DVL1: variants seen among roughly 807,000 people sequenced by gnomAD.
The protein encoded by DVL1 is dishevelled segment polarity protein 1, also known as segment polarity protein dishevelled homolog DVL-1.
A neutral mutation model predicts 65.0 loss-of-function variants in DVL1; 49 were observed. The observed-to-expected ratio is 0.75, with a 90% CI of 0.60 to 0.96. The LOEUF (loss-of-function observed/expected upper bound fraction) is 0.96. DVL1 is among the 40% of genes least tolerant of loss of function. The pLI is 0.00. For synonymous variants in DVL1, 608 were observed against 433.9 expected (o/e 1.40, Z -4.99); for missense variants, 1,197 against 1,045.4 (o/e 1.15, Z -2.00).
intron 1 of DVL1, 66 bp from the exon 2 acceptor site, chr1:1,342,824 C>G: frequency 6.6e-7 from 1 of 1,525,180 alleles, no homozygotes; most frequent in Non-Finnish European, 9.0e-7. Flanking sequence ...AGAGGTGAGG[C>G]CTGGAGAGCA....
rs549271397 is a variant in DVL1 at position 1,340,867 on chromosome 1, G to A, written c.606-364C>T. On this transcript the variant is annotated intron_variant, in intron 5 of 14. Coordinates refer to ENST00000378888, the MANE Select transcript of DVL1 (RefSeq NM_001330311.2). ...CAACCCTGCACACATGCACCCCTGCGCACAGGCACACATGCACACCCCTGC... is the reference window on the plus strand; with the variant it reads ...CAACCCTGCACACATGCACCCCTGCACACAGGCACACATGCACACCCCTGC... 2.9e-3 allele frequency among the ~76,000 whole-genome samples: 354 copies of A among 120,924 alleles called. 1 individual carries two copies. The highest frequency in any genetic ancestry group is 0.016 in the Middle Eastern group (2 of 122). 79.3% of individuals were successfully genotyped at this position (120,924 alleles called of 152,430 possible). A position where few individuals can be genotyped will look rare whatever the true frequency, so the allele number is the denominator to read the frequency against.
intron 5 of DVL1, among the ~76,000 whole-genome samples, chr1:1,341,108 T>G (rs1171936984): frequency 1.6e-5 from 2 of 125,604 alleles, no homozygotes; most frequent in South Asian, 2.7e-4. Context: ...TGCACACACC[T>G]GCACACGCAC....
chr1:1,340,047 C>T lies in DVL1; in HGVS notation c.900G>A (p.Met300Ile), dbSNP rs1306864623. The change falls in exon 8 of 15, where the codon ATG becomes ATA. Residue 300 changes from methionine to isoleucine, a missense_variant. Transcript: ENST00000378888. ...AADGRIEPGD[M>I]LLQVNDVNFE... ...GCCCCCACAGACACACCTGCAGCAA[C>T]ATGTCGCCGGGCTCGATGCGGCCGT... The T allele has an allele frequency of 1.9e-6, 3 of 1,612,404 alleles. No individual in the cohort carries two copies. The highest frequency in any genetic ancestry group is 2.5e-6 in the Non-Finnish European group (3 of 1,179,624).
At chr1:1,348,426 G>C (rs145733533) in intron 1 of DVL1, among the ~76,000 whole-genome samples, 3 of 152,116 alleles carry the variant, frequency 2.0e-5, no homozygotes, top group East Asian at 3.9e-4. Context: ...CTGCAGAAGG[G>C]GGCCAGGAGA....
At chr1:1,347,036 G>A (rs1643925275) in intron 1 of DVL1, among the ~76,000 whole-genome samples, 1 of 152,130 alleles carries the variant, frequency 6.6e-6, no homozygotes, top group Non-Finnish European at 1.5e-5. Flanking sequence ...ATTGATGAGG[G>A]TCCTCCGTAG....
chr1:1,338,340 A>C lies in DVL1; in HGVS notation c.1436T>G (p.Phe479Cys). 6.2e-7 allele frequency: 1 copy of C among 1,611,670 alleles called. No homozygotes were observed. Among genetic ancestry groups the C allele is most frequent in the Non-Finnish European group, 8.5e-7 (1 of 1,179,710 alleles). The change falls in exon 13 of 15, where the codon TTC (phenylalanine) becomes TGC (cysteine). Residue 479 changes from phenylalanine (F) to cysteine (C), a missense_variant. Coordinates refer to ENST00000378888, the MANE Select transcript of DVL1 (RefSeq NM_001330311.2). ...GATCTTGTTGACCGTGTGCCGCAGG[A>C]AGCCGTGCTTCAGCAAGCTGCTGGC... ...KYASSLLKHG[F>C]LRHTVNKITF...
chr1:1,340,887 C>T (rs1461042665), intron 5 of DVL1, among the ~76,000 whole-genome samples: 2 of 140,960 alleles, frequency 1.4e-5, no homozygotes, highest in African/African-American at 5.4e-5. Context: ...ACATGCACAC[C>T]CCTGCACACG....
At position 1,338,057 on chromosome 1, in the gene DVL1, G is replaced by T. The variant is rs372765398; in HGVS notation, c.1634C>A (p.Pro545His). ...GTAGGCAGGCGGGAAGCAGGGTGGG[G>T]GTCCCGGGTACTGGTAGGGGTAGCC... ...GQGYPYQYPG[P>H]PPCFPPAYQD... is the part of the protein sequence containing the mutation. Residue 545 changes from proline to histidine, a missense_variant, in exon 14 of 15, where the codon CCC (proline) becomes CAC (histidine). Physicochemically the swap from Pro to His is moderately conservative, Grantham distance 77 (BLOSUM62 -2). Transcript: ENST00000378888. 8 of 1,611,276 alleles carry T rather than the reference G, an allele frequency of 5.0e-6. No individual in the cohort carries two copies. Among genetic ancestry groups the T allele is most frequent in the African/African-American group, 1.3e-5 (1 of 74,878 alleles).
At position 1,342,388 on chromosome 1, in the gene DVL1, C is replaced by T. The variant is rs745909987; in HGVS notation, c.337G>A (p.Gly113Arg). ...TGGAAGGAGGGGGGCCGGGAGTCCC[C>T]GATGCCGCCTGTCCGCTCAAGAGGC... ...PPPLERTGGI[G>R]DSRPPSFHPN... The change falls in exon 3 of 15, where the codon GGG (glycine) becomes AGG (arginine). Residue 113 changes from glycine (G) to arginine (R), a missense_variant. Coordinates refer to ENST00000378888, the MANE Select transcript of DVL1 (RefSeq NM_001330311.2). 1.2e-5 allele frequency: 19 copies of T among 1,587,198 alleles called. No individual in the cohort carries two copies. The highest frequency in any genetic ancestry group is 4.6e-5 in the East Asian group (2 of 43,530).
At position 1,346,755 on chromosome 1, in the gene DVL1, A is replaced by C. The variant is rs532721865; in HGVS notation, c.170+2141T>G. Reference sequence around the variant, plus strand: ...CTGAGAATGCAGCGGGGGCTGGCGCAGGAACCCCCGACTCACCAGGGCCTC... The same window carrying C: ...CTGAGAATGCAGCGGGGGCTGGCGCCGGAACCCCCGACTCACCAGGGCCTC... On this transcript the variant is annotated intron_variant, in intron 1 of 14. Coordinates refer to ENST00000378888, the MANE Select transcript of DVL1 (RefSeq NM_001330311.2). Among the ~76,000 whole-genome samples the C allele has an allele frequency of 1.3e-3, 202 of 152,322 alleles. 4 individuals carry two copies. The highest frequency in any genetic ancestry group is 2.0e-3 in the Non-Finnish European group (137 of 68,004).
At chr1:1,345,252 T>C (rs1362576968) in intron 1 of DVL1, among the ~76,000 whole-genome samples, 1 of 152,100 alleles carries the variant, frequency 6.6e-6, no homozygotes, top group East Asian at 1.9e-4. Flanking sequence ...CTCCGCCCTC[T>C]TCAGCCCAAC....
chr1:1,336,007 C>A lies in DVL1; in HGVS notation c.*135G>T. 3 of 1,217,760 alleles carry A rather than the reference C, an allele frequency of 2.5e-6. No homozygotes were observed. Among genetic ancestry groups the A allele is most frequent in the Non-Finnish European group, 3.4e-6 (3 of 887,184 alleles). 75.4% of individuals were successfully genotyped at this position (1,217,760 alleles called of 1,614,324 possible). ...AGCTGGAGCAGCCAGGCTGCCAGGGCAGATGGTGGTGGTCCAGCCTGCCCC... is the reference window on the plus strand; with the variant it reads ...AGCTGGAGCAGCCAGGCTGCCAGGGAAGATGGTGGTGGTCCAGCCTGCCCC... On this transcript the variant is annotated 3_prime_UTR_variant, in exon 15 of 15. Coordinates refer to ENST00000378888, the MANE Select transcript of DVL1 (RefSeq NM_001330311.2).
chr1:1,342,740 G>C lies in DVL1; in HGVS notation c.189C>G (p.Ile63Met), dbSNP rs747684599. ...DQDFGVVKEE[I>M]FDDNAKLPCF... The stretch of plus-strand genomic sequence containing the variant: ...AGGGAAGCTTGGCATTGTCATCAAA[G>C]ATCTCCTCCTTCACCACCCTGTGGG... The change falls in exon 2 of 15, where the codon ATC becomes ATG. Residue 63 changes from isoleucine to methionine, a missense_variant. Transcript: ENST00000378888. 6.2e-7 allele frequency: 1 copy of C among 1,613,054 alleles called. No individual in the cohort carries two copies. The highest frequency in any genetic ancestry group is 8.5e-7 in the Non-Finnish European group (1 of 1,179,784).
intron 11 of DVL1, 139 bp downstream of exon 11, chr1:1,339,148 G>C: frequency 8.4e-7 from 1 of 1,191,522 alleles, no homozygotes. Flanking sequence ...CTGTGCACAC[G>C]TCTGTGCAGG....
chr1:1,341,634 C>G, intron 5 of DVL1, 33 bp downstream of exon 5: 1 of 1,570,848 alleles, frequency 6.4e-7, no homozygotes, highest in East Asian at 2.3e-5. Context: ...AGTGGGCACA[C>G]AGGCATACAC....
Position 1,340,267 on chromosome 1 carries a change from A to G in DVL1, c.749T>C (p.Val250Ala), listed in dbSNP as rs778941776. The G allele has an allele frequency of 2.5e-6, 4 of 1,613,868 alleles. No individual in the cohort carries two copies. The Admixed American group carries it at 5.0e-5, about 20-fold the overall frequency. Residue 250 changes from valine to alanine, a missense_variant, in exon 7 of 15, where the codon GTC (valine) becomes GCC (alanine). Physicochemically the swap from Val to Ala is moderately conservative, Grantham distance 64. Transcript: ENST00000378888. ...CTCACCCATGTTGAGCGTGACAGTGACGATGTTGAGGGACATGGTGGAGTC... is the reference window on the plus strand; with the variant it reads ...CTCACCCATGTTGAGCGTGACAGTGGCGATGTTGAGGGACATGGTGGAGTC... Reference protein sequence around the residue: ...ITDSTMSLNIVTVTLNMERHH... With the variant: ...ITDSTMSLNIATVTLNMERHH...
Position 1,339,314 on chromosome 1 carries a change from G to A in DVL1, c.1180C>T (p.Leu394=), listed in dbSNP as rs1042869790. 5.8e-6 allele frequency: 9 copies of A among 1,548,500 alleles called. No individual in the cohort carries two copies. Among genetic ancestry groups the A allele is most frequent in the African/African-American group, 1.4e-5 (1 of 72,990 alleles). The change falls in exon 11 of 15, where the codon CTA becomes TTA. Residue 394 remains leucine, a synonymous_variant. Coordinates refer to ENST00000378888, the MANE Select transcript of DVL1 (RefSeq NM_001330311.2). The part of the protein sequence containing the change: ...SAVTRTSSSS[L]TSSVPGAPQL... The stretch of plus-strand genomic sequence containing the variant: ...GGAGCACCAGGCACGGAGCTGGTTA[G>A]TGAGGAGGAGCTGGTGCGCGTGACG...
rs751546890 is a variant in DVL1 at position 1,343,862 on chromosome 1, C to A, written c.171-1104G>T. Among the ~76,000 whole-genome samples the A allele has an allele frequency of 3.7e-4, 57 of 152,326 alleles. 1 individual carries two copies. The highest frequency in any genetic ancestry group is 1.3e-3 in the African/African-American group (54 of 41,572). On this transcript the variant is annotated intron_variant, in intron 1 of 14. Coordinates refer to ENST00000378888, the MANE Select transcript of DVL1 (RefSeq NM_001330311.2). ...GGACCTAGAGGGGCAGCAGGGGATG[C>A]GGAGCCGGCAGGGCCCCCAGGAGAG...
chr1:1,347,094 C>T (rs1643926647), intron 1 of DVL1, among the ~76,000 whole-genome samples: 1 of 152,070 alleles, frequency 6.6e-6, no homozygotes, highest in African/African-American at 2.4e-5. Context: ...CAGAGCAAGG[C>T]CCCCATCCCA....
Sources: gnomAD v4.1 joint callset for allele counts (sites outside exome capture counted in the v4.1 genomes callset) on GRCh38, gnomAD v4.1.1 for gene constraint, MANE v1.5 for transcripts, NCBI Gene and HGNC (gene_info 2026-07-23, HGNC 2026-07-21) for gene names.